Variants in CSMD3 observed in about 807,000 individuals in gnomAD.
CSMD3 encodes CUB and sushi domain-containing protein 3.
A neutral mutation model predicts 435.2 loss-of-function variants in CSMD3; 177 were observed. The observed-to-expected ratio is 0.41, with a 90% CI of 0.36 to 0.46. CSMD3 has a LOEUF of 0.46. CSMD3 is among the 20% of genes least tolerant of loss of function. The pLI, the probability that CSMD3 is intolerant of heterozygous loss-of-function variation, is 0.34. For missense variants in CSMD3, 4,265 were observed against 4,504.6 expected (o/e 0.95, Z 1.52); for synonymous variants, 1,656 against 1,520.5 (o/e 1.09, Z -2.07).
chr8:113,042,009 C>T (rs1207210336), intron 5 of CSMD3, among the ~76,000 whole-genome samples: 1 of 152,122 alleles, frequency 6.6e-6, no homozygotes, highest in Non-Finnish European at 1.5e-5. Context: ...CTAAAACATA[C>T]TAGAATTAAT....
intron 5 of CSMD3, among the ~76,000 whole-genome samples, chr8:113,070,722 G>A (rs1431921496): frequency 6.6e-6 from 1 of 151,924 alleles, no homozygotes; most frequent in African/African-American, 2.4e-5. Flanking sequence ...TCTGTGTCTA[G>A]CTTATTTCAC....
At chr8:112,675,565 T>C (rs949308007) in intron 16 of CSMD3, among the ~76,000 whole-genome samples, 6 of 152,014 alleles carry the variant, frequency 3.9e-5, no homozygotes, top group African/African-American at 1.4e-4. Flanking sequence ...AGAAAGCATA[T>C]ATACATCAGA....
intron 32 of CSMD3, among the ~76,000 whole-genome samples, chr8:112,439,496 A>G (rs1047947612): frequency 2.6e-5 from 4 of 152,182 alleles, no homozygotes; most frequent in African/African-American, 9.6e-5. Flanking sequence ...GCATAAAGGC[A>G]TATAATCTGT....
intron 23 of CSMD3, among the ~76,000 whole-genome samples, chr8:112,581,655 C>T (rs552037133): frequency 1.3e-5 from 2 of 152,108 alleles, no homozygotes; most frequent in South Asian, 2.1e-4. Flanking sequence ...ATTTACTATA[C>T]GACAAGCATT....
intron 27 of CSMD3, among the ~76,000 whole-genome samples, chr8:112,531,916 T>C (rs1460158581): frequency 2.0e-5 from 3 of 152,120 alleles, no homozygotes; most frequent in Non-Finnish European, 4.4e-5. Context: ...GCCCGAGATA[T>C]GCAACCTTTT....
chr8:113,355,768 G>GGGGT (rs1563738010), intron 1 of CSMD3, among the ~76,000 whole-genome samples: 1 of 39,284 alleles, frequency 2.5e-5, no homozygotes, highest in East Asian at 2.5e-3. Flanking sequence ...ACACACACAC[G>GGGGT]GGGTGTGTGT....
chr8:113,214,519 G>A (rs1416435104), intron 3 of CSMD3, among the ~76,000 whole-genome samples: 1 of 151,840 alleles, frequency 6.6e-6, no homozygotes, highest in African/African-American at 2.4e-5. Context: ...TATATCTTCT[G>A]GTCTTTTGAG....
At chr8:112,751,949 A>G (rs2132107104) in intron 13 of CSMD3, among the ~76,000 whole-genome samples, 1 of 152,146 alleles carries the variant, frequency 6.6e-6, no homozygotes, top group East Asian at 1.9e-4. Flanking sequence ...ATGTCCCCTA[A>G]TCCAGTACAT....
intron 10 of CSMD3, among the ~76,000 whole-genome samples, chr8:112,886,372 A>G (rs912303994): frequency 6.6e-6 from 1 of 151,206 alleles, no homozygotes; most frequent in Non-Finnish European, 1.5e-5. Context: ...TTTTTCTGAA[A>G]AGAAAATGAG....
intron 1 of CSMD3, among the ~76,000 whole-genome samples, chr8:113,359,523 A>T (rs547424263): frequency 1.3e-5 from 2 of 152,316 alleles, no homozygotes; most frequent in South Asian, 4.1e-4. Flanking sequence ...TAGGACCTGG[A>T]GGCAGCTACA....
At chr8:112,386,792 C>T (rs1239554231) in intron 36 of CSMD3, among the ~76,000 whole-genome samples, 1 of 152,112 alleles carries the variant, frequency 6.6e-6, no homozygotes, top group African/African-American at 2.4e-5. Flanking sequence ...CCACCGCGCC[C>T]GGCCCAACTA....
chr8:113,162,973 C>T (rs2092074489), intron 4 of CSMD3, among the ~76,000 whole-genome samples: 1 of 152,102 alleles, frequency 6.6e-6, no homozygotes, highest in South Asian at 2.1e-4. Flanking sequence ...TGGAGTTTTA[C>T]TCCTTACTAG....
intron 45 of CSMD3, among the ~76,000 whole-genome samples, chr8:112,326,010 C>G (rs1994795): frequency 0.24 from 36,820 of 152,004 alleles, 4,637 homozygotes; most frequent in East Asian, 0.39. Flanking sequence ...GTTTCTATTT[C>G]TTCAAGATAT....
intron 13 of CSMD3, among the ~76,000 whole-genome samples, chr8:112,794,829 A>AT (rs2078788081): frequency 6.6e-6 from 1 of 152,122 alleles, no homozygotes; most frequent in Admixed American, 6.6e-5. Context: ...CTATATCTTT[A>AT]TTATTTTTTT....
intron 16 of CSMD3, among the ~76,000 whole-genome samples, chr8:112,678,385 A>G (rs2131760052): frequency 6.6e-6 from 1 of 152,318 alleles, no homozygotes; most frequent in Admixed American, 6.5e-5. Context: ...AGAAGTATTA[A>G]AAGATTGGAT....
intron 3 of CSMD3, among the ~76,000 whole-genome samples, chr8:113,266,167 A>C (rs1198335081): frequency 6.9e-6 from 1 of 143,904 alleles, no homozygotes; most frequent in African/African-American, 2.6e-5. Flanking sequence ...GTAGTTGAAA[A>C]TAACCCCTAA....
At chr8:112,497,516 C>G (rs931322725) in intron 30 of CSMD3, among the ~76,000 whole-genome samples, 1 of 149,804 alleles carries the variant, frequency 6.7e-6, no homozygotes, top group Admixed American at 6.7e-5. Flanking sequence ...TACTATGAAC[C>G]TGTAAAAATT....
chr8:112,997,699 G>T (rs1056039474), intron 6 of CSMD3, among the ~76,000 whole-genome samples: 2 of 151,328 alleles, frequency 1.3e-5, no homozygotes, highest in African/African-American at 4.8e-5. Flanking sequence ...TTGATAGATT[G>T]CTTTTTATGC....
At chr8:112,778,117 A>G (rs2078290373) in intron 13 of CSMD3, among the ~76,000 whole-genome samples, 1 of 151,814 alleles carries the variant, frequency 6.6e-6, no homozygotes, top group Non-Finnish European at 1.5e-5. Flanking sequence ...CAGAGTTTTC[A>G]TATACTCCCT....
Sources: allele counts gnomAD v4.1 joint callset (sites outside exome capture counted in the v4.1 genomes callset), GRCh38; gene constraint gnomAD v4.1.1; transcripts MANE v1.5; gene names NCBI Gene and HGNC (gene_info 2026-07-23, HGNC 2026-07-21).